The following GPM6A variants were observed in gnomAD, a reference collection of about 807,000 sequenced individuals.
GPM6A encodes neuronal membrane glycoprotein M6-a.
In GPM6A, 7 loss-of-function variants were observed where a neutral mutation model predicts 32.1. The observed-to-expected ratio is 0.22, with a 90% CI of 0.12 to 0.41. GPM6A has a LOEUF of 0.41. GPM6A is among the 10% of genes least tolerant of loss of function. GPM6A has a pLI of 1.00. For missense variants in GPM6A, 235 were observed against 347.2 expected, an observed-to-expected ratio of 0.68 and a Z score of 2.57; for synonymous variants, 130 against 123.4, an observed-to-expected ratio of 1.05 and a Z score of -0.35.
chr4:175,994,334 T>C (rs1262727092), intron 1 of GPM6A, among the ~76,000 whole-genome samples: 1 of 152,174 alleles, frequency 6.6e-6, no homozygotes, highest in African/African-American at 2.4e-5. Flanking sequence ...CTTGGTAATA[T>C]TAGGACCAGG....
At chr4:175,693,200 T>G (rs921602582) in intron 2 of GPM6A, among the ~76,000 whole-genome samples, 1 of 151,250 alleles carries the variant, frequency 6.6e-6, no homozygotes, top group South Asian at 2.1e-4. Flanking sequence ...TCACCTAAGT[T>G]TTTTTCTGAA....
At chr4:175,740,685 AT>A (rs1417264855) in intron 1 of GPM6A, among the ~76,000 whole-genome samples, 7 of 152,066 alleles carry the variant, frequency 4.6e-5, no homozygotes, top group Non-Finnish European at 7.4e-5. Flanking sequence ...ATTAGAAAAT[AT>A]TTTTGTTTCA....
chr4:175,726,588 GTTGGTTATC>G (rs1264461558), intron 1 of GPM6A, among the ~76,000 whole-genome samples: 2 of 152,080 alleles, frequency 1.3e-5, no homozygotes, highest in Non-Finnish European at 2.9e-5. Flanking sequence ...TTCACTCTAT[GTTGGTTATC>G]TATATTCCAG....
intron 1 of GPM6A, among the ~76,000 whole-genome samples, chr4:175,947,378 A>G: frequency 6.6e-6 from 1 of 152,164 alleles, no homozygotes; most frequent in Non-Finnish European, 1.5e-5. Context: ...ATATTTCTTA[A>G]GTACAATATT....
intron 1 of GPM6A, among the ~76,000 whole-genome samples, chr4:175,988,840 G>A (rs891991472): frequency 1.8e-4 from 27 of 152,108 alleles, no homozygotes; most frequent in Non-Finnish European, 2.4e-4. Flanking sequence ...TGAGGGGCAG[G>A]CTCATTACTC....
intron 1 of GPM6A, among the ~76,000 whole-genome samples, chr4:175,828,507 C>T (rs972122316): frequency 6.6e-6 from 1 of 152,158 alleles, no homozygotes; most frequent in Non-Finnish European, 1.5e-5. Flanking sequence ...CAGAGTGATT[C>T]TGCTGTTTAC....
chr4:175,950,193 G>C (rs1739759722), intron 1 of GPM6A, among the ~76,000 whole-genome samples: 1 of 152,016 alleles, frequency 6.6e-6, no homozygotes, highest in African/African-American at 2.4e-5. Flanking sequence ...GAACTCTATG[G>C]CCCATCCAAA....
intron 1 of GPM6A, among the ~76,000 whole-genome samples, chr4:175,874,747 G>A (rs4306906): frequency 0.51 from 77,159 of 151,870 alleles, 20,524 homozygotes; most frequent in East Asian, 0.67. Context: ...AGATGGCACC[G>A]AGAATGAGGG....
chr4:175,830,184 T>A (rs965252277), intron 1 of GPM6A, among the ~76,000 whole-genome samples: 1 of 152,112 alleles, frequency 6.6e-6, no homozygotes, highest in Non-Finnish European at 1.5e-5. Flanking sequence ...GTGGTGATGG[T>A]TGAGCTGGTC....
chr4:175,978,236 C>T (rs546120724), intron 1 of GPM6A, among the ~76,000 whole-genome samples: 16 of 152,124 alleles, frequency 1.1e-4, no homozygotes, highest in Non-Finnish European at 2.1e-4. Context: ...GGGAAGCAGG[C>T]ACCTTCTTCA....
intron 2 of GPM6A, among the ~76,000 whole-genome samples, chr4:175,682,957 A>G (rs1165299832): frequency 6.6e-6 from 1 of 152,194 alleles, no homozygotes; most frequent in Non-Finnish European, 1.5e-5. Flanking sequence ...GGCACTGCCT[A>G]GTGGAACTGT....
At chr4:175,769,316 A>C (rs1488996901) in intron 1 of GPM6A, among the ~76,000 whole-genome samples, 1 of 152,216 alleles carries the variant, frequency 6.6e-6, no homozygotes, top group Admixed American at 6.5e-5. Context: ...CCCATTGAGA[A>C]AACAGGCCTA....
rs72702657 is a variant in GPM6A at position 175,757,491 on chromosome 4, C to T, written c.37+54700G>A. Among the ~76,000 whole-genome samples the T allele has an allele frequency of 3.6e-3, 542 of 152,174 alleles. 3 individuals carry two copies. The highest frequency in any genetic ancestry group is 0.017 in the Middle Eastern group (5 of 294). On this transcript the variant is annotated intron_variant, in intron 1 of 6. Coordinates refer to ENST00000393658, the MANE Select transcript of GPM6A (RefSeq NM_201591.3). Reference sequence around the variant, plus strand: ...TGCTTTATGTCACTAAAATGTATTACGCCTGGATAAGTAACTAACAAGCAC... The same window carrying T: ...TGCTTTATGTCACTAAAATGTATTATGCCTGGATAAGTAACTAACAAGCAC...
At chr4:175,990,158 T>C (rs1162440582) in intron 1 of GPM6A, among the ~76,000 whole-genome samples, 2 of 152,242 alleles carry the variant, frequency 1.3e-5, no homozygotes, top group Admixed American at 1.3e-4. Flanking sequence ...CAACTTCTCC[T>C]AGTTTGTATT....
intron 1 of GPM6A, among the ~76,000 whole-genome samples, chr4:175,917,637 C>T (rs549099225): frequency 6.6e-6 from 1 of 152,066 alleles, no homozygotes; most frequent in Admixed American, 6.6e-5. Context: ...CTCCTTGATA[C>T]AACATTCACC....
At chr4:175,848,839 T>G (rs1736166932) in intron 1 of GPM6A, among the ~76,000 whole-genome samples, 1 of 152,122 alleles carries the variant, frequency 6.6e-6, no homozygotes, top group Non-Finnish European at 1.5e-5. Flanking sequence ...ATAAAGCAAA[T>G]GAGCTATTAC....
At chr4:175,973,697 A>G (rs1740573900) in intron 1 of GPM6A, among the ~76,000 whole-genome samples, 1 of 152,212 alleles carries the variant, frequency 6.6e-6, no homozygotes, top group African/African-American at 2.4e-5. Flanking sequence ...CTAGCCTCTC[A>G]GTGGAGGTGC....
At chr4:175,902,299 T>A (rs2101851) in intron 1 of GPM6A, among the ~76,000 whole-genome samples, 3 of 151,960 alleles carry the variant, frequency 2.0e-5, no homozygotes, top group African/African-American at 7.3e-5. Context: ...TAGTTAGTGA[T>A]GGTAAGAGAT....
intron 1 of GPM6A, among the ~76,000 whole-genome samples, chr4:175,921,061 T>G (rs1011688062): frequency 6.8e-6 from 1 of 146,584 alleles, no homozygotes; most frequent in Non-Finnish European, 1.5e-5. Context: ...ATTAGGATTA[T>G]CTTTAACCAA....
Sources: allele counts gnomAD v4.1 joint callset (sites outside exome capture counted in the v4.1 genomes callset), GRCh38; gene constraint gnomAD v4.1.1; transcripts MANE v1.5; gene names NCBI Gene and HGNC (gene_info 2026-07-23, HGNC 2026-07-21).